The following HDAC8 variants were observed in gnomAD, a reference collection of about 807,000 sequenced individuals.
The protein encoded by HDAC8 is histone deacetylase 8, also known as histone deacetylase-like 1.
A neutral mutation model predicts 32.2 loss-of-function variants in HDAC8; 1 was observed. The observed-to-expected ratio is 0.03, with a 90% CI of 0.01 to 0.15. The LOEUF (loss-of-function observed/expected upper bound fraction) is 0.15, where lower values mean the gene tolerates loss of function less well. Ranked by LOEUF, HDAC8 falls within the 10% of genes least tolerant of loss-of-function variation. The pLI, the probability that HDAC8 is intolerant of heterozygous loss-of-function variation, is 1.00. For missense variants in HDAC8, 117 were observed against 300.0 expected (o/e 0.39, Z 4.51); for synonymous variants, 108 against 113.9 (o/e 0.95, Z 0.33).
intron 7 of HDAC8, among the ~76,000 whole-genome samples, chrX:72,473,217 A>G (rs970530714): frequency 2.1e-4 from 24 of 111,840 alleles, no homozygotes; most frequent in African/African-American, 7.5e-4. Context: ...ACCTTAACCT[A>G]TATTATTCTA....
chrX:72,545,619 T>C (rs1325362881), intron 4 of HDAC8, among the ~76,000 whole-genome samples: 1 of 111,879 alleles, frequency 8.9e-6, no homozygotes, highest in African/African-American at 3.2e-5. Flanking sequence ...GTGGTAGGGA[T>C]GCCATAGGGA....
intron 4 of HDAC8, among the ~76,000 whole-genome samples, chrX:72,530,297 C>T (rs369896349): frequency 8.9e-6 from 1 of 111,867 alleles, no homozygotes; most frequent in South Asian, 3.8e-4. Context: ...TGGGAGGGTA[C>T]TTCTAGAGCC....
chrX:72,379,725 C>T (rs782540178), intron 9 of HDAC8, among the ~76,000 whole-genome samples: 87 of 110,643 alleles, frequency 7.9e-4, no homozygotes, highest in Non-Finnish European at 1.5e-4. Flanking sequence ...TGGTCTCAAA[C>T]TCCTGACCTC....
At chrX:72,422,826 G>T (rs1211433631) in intron 9 of HDAC8, among the ~76,000 whole-genome samples, 1 of 110,391 alleles carries the variant, frequency 9.1e-6, no homozygotes, top group Non-Finnish European at 1.9e-5. Flanking sequence ...CATTTAGATA[G>T]CCCTCTGACA....
At chrX:72,512,605 T>C (rs900962612) in intron 4 of HDAC8, among the ~76,000 whole-genome samples, 1 of 111,040 alleles carries the variant, frequency 9.0e-6, no homozygotes, top group Non-Finnish European at 1.9e-5. Flanking sequence ...GAAAAGGCTA[T>C]TCCTCTTTTA....
intron 9 of HDAC8, among the ~76,000 whole-genome samples, chrX:72,389,254 A>G (rs2045545869): frequency 8.9e-6 from 1 of 112,193 alleles, no homozygotes. Flanking sequence ...TAGCTAAAAA[A>G]GGATACTGAG....
At chrX:72,472,616 C>T (rs1555998395) in intron 7 of HDAC8, among the ~76,000 whole-genome samples, 3 of 111,643 alleles carry the variant, frequency 2.7e-5, no homozygotes, top group African/African-American at 9.8e-5. Context: ...AGTTTTCTAA[C>T]TTTGTCCTTC....
At chrX:72,406,255 G>T (rs189581861) in intron 9 of HDAC8, among the ~76,000 whole-genome samples, 246 of 111,527 alleles carry the variant, frequency 2.2e-3, no homozygotes, top group Non-Finnish European at 4.0e-3. Context: ...TTGAGACAGG[G>T]TCTATCTCTG....
intron 4 of HDAC8, among the ~76,000 whole-genome samples, chrX:72,525,620 T>C (rs1272809515): frequency 5.5e-5 from 6 of 109,177 alleles, no homozygotes; most frequent in Non-Finnish European, 9.5e-5. Context: ...GAGACCATCC[T>C]GGCTAAAACG....
intron 9 of HDAC8, among the ~76,000 whole-genome samples, chrX:72,360,699 T>C (rs2044523469): frequency 8.9e-6 from 1 of 112,115 alleles, no homozygotes; most frequent in African/African-American, 3.2e-5. Context: ...CTTCTCAATC[T>C]TTCCTATATC....
At chrX:72,467,306 T>C (rs1382349329) in intron 7 of HDAC8, 1 of 111,884 alleles carries the variant, frequency 8.9e-6, no homozygotes, top group Non-Finnish European at 1.9e-5. Context: ...TATAATTGTA[T>C]AAGATGTCAA....
chrX:72,532,239 C>T (rs28854815), intron 4 of HDAC8, among the ~76,000 whole-genome samples: 1,356 of 98,209 alleles, frequency 0.014, 18 homozygotes, highest in African/African-American at 0.037. Flanking sequence ...CATGCACCAC[C>T]GTGTTGGGCA....
intron 7 of HDAC8, among the ~76,000 whole-genome samples, chrX:72,465,370 CAA>C (rs1365430016): frequency 9.1e-6 from 1 of 110,238 alleles, no homozygotes; most frequent in Admixed American, 9.6e-5. Context: ...TGTAGTGTAA[CAA>C]TGAGCATAAT....
At chrX:72,474,042 C>T (rs782146211) in intron 7 of HDAC8, 179 of 642,138 alleles carry the variant, frequency 2.8e-4, no homozygotes, top group Non-Finnish European at 3.3e-4. Flanking sequence ...GTGTGTAGAA[C>T]ATCCTTCCCT....
chrX:72,496,542 A>C (rs782093405), intron 4 of HDAC8, among the ~76,000 whole-genome samples: 9 of 111,380 alleles, frequency 8.1e-5, no homozygotes, highest in Non-Finnish European at 1.3e-4. Flanking sequence ...TCTTAGATGC[A>C]AATGCTATTT....
chrX:72,512,827 C>A (rs2049635958), intron 4 of HDAC8, among the ~76,000 whole-genome samples: 1 of 111,081 alleles, frequency 9.0e-6, no homozygotes, highest in Non-Finnish European at 1.9e-5. Flanking sequence ...GGTCCCCATG[C>A]CCACAGGAAG....
intron 10 of HDAC8, among the ~76,000 whole-genome samples, chrX:72,336,230 T>C (rs781869131): frequency 2.7e-5 from 3 of 112,217 alleles, no homozygotes; most frequent in African/African-American, 9.7e-5. Context: ...CTAATAGATA[T>C]GTAATGGTAT....
chrX:72,406,978 G>C (rs1225886663), intron 9 of HDAC8, among the ~76,000 whole-genome samples: 1 of 112,116 alleles, frequency 8.9e-6, no homozygotes, highest in Non-Finnish European at 1.9e-5. Context: ...TCAGAGCTAG[G>C]TTACACCCTT....
intron 3 of HDAC8, among the ~76,000 whole-genome samples, chrX:72,568,377 G>C (rs2051881706): frequency 9.0e-6 from 1 of 111,727 alleles, no homozygotes; most frequent in Non-Finnish European, 1.9e-5. Flanking sequence ...AGACTATCCT[G>C]CAGGTCACTT....
Sources: gnomAD v4.1 joint callset for allele counts (sites outside exome capture counted in the v4.1 genomes callset) on GRCh38, gnomAD v4.1.1 for gene constraint, MANE v1.5 for transcripts, NCBI Gene and HGNC (gene_info 2026-07-23, HGNC 2026-07-21) for gene names.